Variants in ENTHD1 observed in about 807,000 individuals in gnomAD.
The protein encoded by ENTHD1 is ENTH domain-containing protein 1.
Under a neutral mutation model 39.1 loss-of-function variants are expected in ENTHD1, and 23 were observed. That is an observed-to-expected ratio of 0.59 (90% confidence interval 0.42 to 0.83). The LOEUF is 0.83. Ranked by LOEUF, ENTHD1 falls within the 40% of genes least tolerant of loss-of-function variation. ENTHD1 has a pLI of 0.00. For missense variants in ENTHD1, 624 were observed against 705.4 expected, an observed-to-expected ratio of 0.88 and a Z score of 1.31; for synonymous variants, 230 against 258.2, an observed-to-expected ratio of 0.89 and a Z score of 1.05.
chr22:39,753,894 C>T (rs1317435180), intron 6 of ENTHD1, among the ~76,000 whole-genome samples: 2 of 152,174 alleles, frequency 1.3e-5, no homozygotes, highest in South Asian at 2.1e-4. Flanking sequence ...TTTGGCCTCA[C>T]TGAGAGAACA....
intron 3 of ENTHD1, among the ~76,000 whole-genome samples, chr22:39,855,372 T>G (rs1320213289): frequency 2.0e-5 from 3 of 152,198 alleles, no homozygotes; most frequent in African/African-American, 7.2e-5. Context: ...TTATTCCATT[T>G]AGTCAGACAA....
At chr22:39,799,025 G>A (rs1555927752) in intron 5 of ENTHD1, among the ~76,000 whole-genome samples, 1 of 152,196 alleles carries the variant, frequency 6.6e-6, no homozygotes, top group Non-Finnish European at 1.5e-5. Context: ...CAGGCCCCTA[G>A]GTGGTGTGTC....
intron 5 of ENTHD1, among the ~76,000 whole-genome samples, chr22:39,782,678 T>C (rs1322704602): frequency 2.0e-5 from 3 of 152,192 alleles, no homozygotes; most frequent in Non-Finnish European, 4.4e-5. Context: ...ATAAACATGA[T>C]GCATCACATC....
intron 2 of ENTHD1, chr22:39,875,261 C>G: frequency 8.4e-7 from 1 of 1,190,178 alleles, no homozygotes; most frequent in Non-Finnish European, 1.0e-6. Context: ...ATTTTAAGAA[C>G]AAATGCAACA....
chr22:39,805,304 C>T (rs1253072013), intron 5 of ENTHD1, among the ~76,000 whole-genome samples: 7 of 152,126 alleles, frequency 4.6e-5, no homozygotes, highest in South Asian at 2.1e-4. Flanking sequence ...AGAAATAGAA[C>T]GGAAGTAGGA....
intron 6 of ENTHD1, among the ~76,000 whole-genome samples, chr22:39,756,524 G>T (rs2065187353): frequency 6.6e-6 from 1 of 152,074 alleles, no homozygotes; most frequent in Non-Finnish European, 1.5e-5. Context: ...GTAGACACAA[G>T]CTTTCACTAT....
intron 2 of ENTHD1, among the ~76,000 whole-genome samples, chr22:39,884,628 G>A (rs1053906023): frequency 1.3e-5 from 2 of 151,760 alleles, no homozygotes; most frequent in African/African-American, 2.4e-5. Context: ...CAAAGCTACT[G>A]TAATCAAAAC....
chr22:39,795,039 T>C (rs1201136921), intron 5 of ENTHD1, among the ~76,000 whole-genome samples: 1 of 152,208 alleles, frequency 6.6e-6, no homozygotes, highest in Non-Finnish European at 1.5e-5. Flanking sequence ...GCATTTGTCC[T>C]TCATTCCACT....
chr22:39,789,912 G>C (rs868539587), intron 5 of ENTHD1, among the ~76,000 whole-genome samples: 12 of 152,024 alleles, frequency 7.9e-5, no homozygotes, highest in South Asian at 2.1e-4. Context: ...CACTGTTAAG[G>C]TGTCATTTGA....
At chr22:39,816,552 C>T (rs1417026685) in intron 5 of ENTHD1, among the ~76,000 whole-genome samples, 1 of 152,146 alleles carries the variant, frequency 6.6e-6, no homozygotes, top group Non-Finnish European at 1.5e-5. Context: ...CTATTTAGTG[C>T]AGGTTAAAGA....
rs116929205 is a variant in ENTHD1 at position 39,881,434 on chromosome 22, G to A, written c.349+5966C>T. On this transcript the variant is annotated intron_variant, in intron 2 of 6. Transcript: ENST00000325157. ...TCTAGAGATTAAGGAAAAATGCGTT[G>A]AGAAATTATTTGAAAAAGTAACTTA... 1.7e-4 allele frequency among the ~76,000 whole-genome samples: 26 copies of A among 152,280 alleles called. No individual in the cohort carries two copies. The East Asian group carries it at 4.8e-3, about 28-fold the overall frequency.
At chr22:39,751,289 A>C (rs2065145663) in intron 6 of ENTHD1, 1 of 154,224 alleles carries the variant, frequency 6.5e-6, no homozygotes, top group Non-Finnish European at 1.5e-5. Flanking sequence ...ATCAGCAACA[A>C]AAGCTGTGTC....
chr22:39,760,512 TG>T (rs1378968739), intron 6 of ENTHD1, among the ~76,000 whole-genome samples: 1 of 152,018 alleles, frequency 6.6e-6, no homozygotes, highest in Non-Finnish European at 1.5e-5. Flanking sequence ...TTTATGTCTT[TG>T]TATTTAAAGC....
At chr22:39,888,579 C>A (rs992928044) in intron 1 of ENTHD1, among the ~76,000 whole-genome samples, 1 of 152,100 alleles carries the variant, frequency 6.6e-6, no homozygotes. Flanking sequence ...AGATGCACGC[C>A]ACCACACCTG....
At chr22:39,807,457 C>G (rs535957896) in intron 5 of ENTHD1, among the ~76,000 whole-genome samples, 2 of 152,108 alleles carry the variant, frequency 1.3e-5, no homozygotes, top group African/African-American at 4.8e-5. Flanking sequence ...GCCCAAAGGC[C>G]GGGAAGCAAT....
chr22:39,747,459 A>C (rs2065114429), intron 6 of ENTHD1, among the ~76,000 whole-genome samples: 1 of 152,206 alleles, frequency 6.6e-6, no homozygotes, highest in South Asian at 2.1e-4. Flanking sequence ...ATGTCATAGA[A>C]TATGATCTTA....
At chr22:39,745,602 C>A (rs1414787313) in intron 6 of ENTHD1, among the ~76,000 whole-genome samples, 5 of 152,192 alleles carry the variant, frequency 3.3e-5, no homozygotes, top group Non-Finnish European at 5.9e-5. Context: ...GCAGGAACTT[C>A]ATCAGCACAT....
chr22:39,743,891 A>T lies in ENTHD1; in HGVS notation c.1612T>A (p.Phe538Ile). ...TTCTTTGCTTCAGGTTCCTGGGGGA[A>T]GTCTTTGGTTGACTGAAAACCAGAA... ...SCSGFQSTKD[F>I]PQEPEAKNSI... The change falls in exon 7 of 7, where the codon TTC (phenylalanine) becomes ATC (isoleucine). Residue 538 changes from phenylalanine (F) to isoleucine (I), a missense_variant. Transcript: ENST00000325157. 6.2e-7 allele frequency: 1 copy of T among 1,614,190 alleles called. No individual in the cohort carries two copies. Among genetic ancestry groups the T allele is most frequent in the Non-Finnish European group, 8.5e-7 (1 of 1,180,006 alleles).
intron 4 of ENTHD1, among the ~76,000 whole-genome samples, chr22:39,824,232 CAG>C (rs1420689594): frequency 1.1e-5 from 1 of 90,248 alleles, no homozygotes; most frequent in Non-Finnish European, 1.9e-5. Flanking sequence ...TTTTTTGAGA[CAG>C]AGTCTCGCCT....
Sources: gnomAD v4.1 joint callset for allele counts (sites outside exome capture counted in the v4.1 genomes callset) on GRCh38, gnomAD v4.1.1 for gene constraint, MANE v1.5 for transcripts, NCBI Gene and HGNC (gene_info 2026-07-23, HGNC 2026-07-21) for gene names.